Variants in SYNE2 observed in about 807,000 individuals in gnomAD.
The protein encoded by SYNE2 is spectrin repeat containing nuclear envelope protein 2, also known as nesprin-2.
Under a neutral mutation model 856.3 loss-of-function variants are expected in SYNE2, and 431 were observed. The observed-to-expected ratio is 0.50, with a 90% confidence interval of 0.47 to 0.55. The LOEUF (loss-of-function observed/expected upper bound fraction) is 0.55, where lower values mean the gene tolerates loss of function less well. Ranked by LOEUF, SYNE2 falls within the 20% of genes least tolerant of loss-of-function variation. SYNE2 has a pLI of 0.00. For synonymous variants in SYNE2, 2,923 were observed against 2,872.3 expected, an observed-to-expected ratio of 1.02 and a Z score of -0.56; for missense variants, 8,129 against 8,023.2, an observed-to-expected ratio of 1.01 and a Z score of -0.50.
chr14:63,980,524 A>G, intron 14 of SYNE2, 130 bp from the exon 15 acceptor site: 1 of 638,430 alleles, frequency 1.6e-6, no homozygotes, highest in Non-Finnish European at 2.8e-6. Context: ...CCTACCAAAT[A>G]TGTAGTATTA....
rs1199672450 is a variant in SYNE2 at position 64,048,050 on chromosome 14, A to G, written c.7272A>G (p.Gln2424=). 5.6e-6 allele frequency: 9 copies of G among 1,613,882 alleles called. No individual in the cohort carries two copies. The highest frequency in any genetic ancestry group is 1.7e-5 in the Admixed American group (1 of 60,024). Residue 2424 remains glutamine, a synonymous_variant, in exon 46 of 116, where the codon CAA becomes CAG. Coordinates refer to ENST00000555002, the MANE Select transcript of SYNE2 (RefSeq NM_182914.3). ...CAAAACAACTTTCTCTTAATGCTCA[A>G]GAAAGCATGAAAAACACTGAAGATG... is the stretch of plus-strand genomic sequence containing the variant. ...AMSKQLSLNA[Q]ESMKNTEDER...
rs920569320 is a variant in SYNE2 at position 64,164,124 on chromosome 14, T to C, written c.16479+543T>C. ...TTTATTTATTTATTTATTTATTTATTTATTTTGAGATGTCTCGTTCTGTCG... is the reference window on the plus strand; with the variant it reads ...TTTATTTATTTATTTATTTATTTATCTATTTTGAGATGTCTCGTTCTGTCG... On this transcript the variant is annotated intron_variant, in intron 89 of 115. Coordinates refer to ENST00000555002, the MANE Select transcript of SYNE2 (RefSeq NM_182914.3). Among the ~76,000 whole-genome samples, 56 of 150,010 alleles carry C rather than the reference T, an allele frequency of 3.7e-4. 1 individual carries two copies. The highest frequency in any genetic ancestry group is 1.3e-3 in the African/African-American group (52 of 40,086).
intron 45 of SYNE2, among the ~76,000 whole-genome samples, chr14:64,033,640 T>C (rs1387091730): frequency 6.6e-6 from 1 of 152,074 alleles, no homozygotes; most frequent in African/African-American, 2.4e-5. Flanking sequence ...GAGCCGAGAT[T>C]GTGCCACTGC....
At chr14:64,220,830 T>C (rs1219718370) in intron 111 of SYNE2, among the ~76,000 whole-genome samples, 193 bp downstream of exon 111, 1 of 152,292 alleles carries the variant, frequency 6.6e-6, no homozygotes. Flanking sequence ...GTCCCAGGTC[T>C]CGTCTCTGTT....
At chr14:64,092,647 A>C (rs1321410912) in intron 60 of SYNE2, among the ~76,000 whole-genome samples, 4 of 152,206 alleles carry the variant, frequency 2.6e-5, no homozygotes, top group African/African-American at 9.6e-5. Context: ...ATACCAAAGA[A>C]GTATCTAGTT....
chr14:63,962,421 T>G (rs988599168), intron 9 of SYNE2, among the ~76,000 whole-genome samples: 1 of 152,168 alleles, frequency 6.6e-6, no homozygotes, highest in Non-Finnish European at 1.5e-5. Context: ...TACCATAAAA[T>G]TCATCTATTT....
rs750648793 is a variant in SYNE2 at position 64,027,691 on chromosome 14, T to C, written c.6612T>C (p.Ser2204=). 1.9e-6 allele frequency: 3 copies of C among 1,614,102 alleles called. No individual in the cohort carries two copies. Among genetic ancestry groups the C allele is most frequent in the South Asian group, 1.1e-5 (1 of 91,082 alleles). ...DLTSLLKELK[S]QGNYLLECTK... is the part of the protein sequence containing the mutation. The stretch of plus-strand genomic sequence containing the variant: ...CATCCTTGCTAAAGGAGTTAAAATC[T>C]CAGGGAAACTACCTCTTGGAGTGCA... Residue 2204 remains serine (S), a synonymous_variant, in exon 43 of 116, where the codon TCT becomes TCC. Transcript: ENST00000555002.
intron 109 of SYNE2, among the ~76,000 whole-genome samples, chr14:64,218,713 C>G (rs1170366247): frequency 6.6e-6 from 1 of 152,186 alleles, no homozygotes; most frequent in Non-Finnish European, 1.5e-5. Flanking sequence ...AATTTGAAAA[C>G]TATTCTTTAA....
chr14:64,110,466 G>A (rs1279026713), intron 65 of SYNE2, among the ~76,000 whole-genome samples: 1 of 151,968 alleles, frequency 6.6e-6, no homozygotes, highest in Non-Finnish European at 1.5e-5. Context: ...TACTAGTTGT[G>A]TGACCATACA....
intron 61 of SYNE2, among the ~76,000 whole-genome samples, chr14:64,094,152 G>C (rs966996560): frequency 1.7e-4 from 26 of 152,036 alleles, no homozygotes; most frequent in African/African-American, 5.8e-4. Flanking sequence ...CTAACACGGT[G>C]AAACCCTGTC....
At chr14:63,799,171 C>T (rs1314783497) in intron 1 of SYNE2, among the ~76,000 whole-genome samples, 3 of 152,128 alleles carry the variant, frequency 2.0e-5, no homozygotes, top group Non-Finnish European at 4.4e-5. Context: ...CTCCACCTCC[C>T]GGGTTCAAGC....
chr14:64,134,946 C>T (rs1399059982), intron 78 of SYNE2, among the ~76,000 whole-genome samples: 1 of 152,142 alleles, frequency 6.6e-6, no homozygotes, highest in Non-Finnish European at 1.5e-5. Context: ...AAGATCATGC[C>T]ATTGCGCTCC....
chr14:63,980,677 C>T lies in SYNE2; in HGVS notation c.1593C>T (p.Phe531=). 1.9e-6 allele frequency: 3 copies of T among 1,604,876 alleles called. No homozygotes were observed. Among genetic ancestry groups the T allele is most frequent in the East Asian group, 2.2e-5 (1 of 44,670 alleles). ...AGAAATTTATTGAAGAAAAAGAATT[C>T]CTAGCTCGACTTGATACTTCTTTTC... The part of the protein sequence containing the change: ...DWHKFIEEKE[F]LARLDTSFQK... The change falls in exon 15 of 116, where the codon TTC becomes TTT. Residue 531 remains phenylalanine, a synonymous_variant. Transcript: ENST00000555002.
intron 94 of SYNE2, among the ~76,000 whole-genome samples, chr14:64,171,530 G>A (rs1321015932): frequency 3.3e-5 from 5 of 152,164 alleles, no homozygotes; most frequent in African/African-American, 1.2e-4. Context: ...GGTTGTCTCT[G>A]GCCATGTGAC....
intron 11 of SYNE2, among the ~76,000 whole-genome samples, chr14:63,974,886 G>GTATATATATATATATATA (rs1315971121): frequency 5.3e-4 from 14 of 26,268 alleles, no homozygotes; most frequent in Non-Finnish European, 9.2e-4. Context: ...GTGTGTGTGT[G>GTATATATATATATATATA]TGTGTGTATA....
chr14:64,080,772 G>C (rs2153612195), intron 56 of SYNE2, 134 bp downstream of exon 56: 1 of 1,080,524 alleles, frequency 9.3e-7, no homozygotes, highest in East Asian at 2.6e-5. Context: ...GCCATGGTAG[G>C]CTTGTGTGGG....
intron 1 of SYNE2, among the ~76,000 whole-genome samples, chr14:63,882,794 A>G (rs2094895345): frequency 6.6e-6 from 1 of 152,120 alleles, no homozygotes; most frequent in Non-Finnish European, 1.5e-5. Flanking sequence ...TATTATATGA[A>G]ATAGAGGTTG....
rs763792886 is a variant in SYNE2 at position 64,000,545 on chromosome 14, T to A, written c.3481-17T>A. The A allele has an allele frequency of 1.5e-5, 24 of 1,609,294 alleles. 1 individual carries two copies. In the East Asian group the frequency reaches 5.4e-4, roughly 36 times the overall value. On this transcript the variant is annotated splice_polypyrimidine_tract_variant and intron_variant, in intron 27 of 115. Coordinates refer to ENST00000555002, the MANE Select transcript of SYNE2 (RefSeq NM_182914.3). ...TAACCCCATTAGTTGATAAATTAAT[T>A]TATGTGTTCCATCTAGGTCATAAAA... is the stretch of plus-strand genomic sequence containing the variant.
chr14:64,211,407 G>C (rs1656371883), intron 103 of SYNE2, among the ~76,000 whole-genome samples: 1 of 152,200 alleles, frequency 6.6e-6, no homozygotes, highest in South Asian at 2.1e-4. Flanking sequence ...CTTAATTGGA[G>C]ATGATACAAC....
Sources: allele counts gnomAD v4.1 joint callset (sites outside exome capture counted in the v4.1 genomes callset), GRCh38; gene constraint gnomAD v4.1.1; transcripts MANE v1.5; gene names NCBI Gene and HGNC (gene_info 2026-07-23, HGNC 2026-07-21).